The following NUDT16 variants were observed in gnomAD, a reference collection of about 807,000 sequenced individuals.
NUDT16 encodes the protein U8 snoRNA-decapping enzyme.
Under a neutral mutation model 11.7 loss-of-function variants are expected in NUDT16, and 12 were observed. That is an observed-to-expected ratio of 1.03 (90% CI 0.66 to 1.67). The LOEUF (loss-of-function observed/expected upper bound fraction) is 1.67, where lower values mean the gene tolerates loss of function less well. Among genes scored for constraint, NUDT16 ranks in the 40% most tolerant of loss-of-function variants. NUDT16 has a pLI of 0.00. For synonymous variants in NUDT16, 129 were observed against 122.6 expected (o/e 1.05, Z -0.35); for missense variants, 303 against 268.9 (o/e 1.13, Z -0.89).
chr3:131,382,797 T>A, intron 2 of NUDT16: 1 of 1,009,302 alleles, frequency 9.9e-7, no homozygotes, highest in Non-Finnish European at 1.4e-6. Context: ...GCATTGGTGG[T>A]GGGGCGGGGG....
chr3:131,383,243 A>T lies in NUDT16; in HGVS notation c.490A>T (p.Ile164Phe). Residue 164 changes from isoleucine (I) to phenylalanine (F), a missense_variant, in exon 3 of 3, where the codon ATT becomes TTT. By Grantham distance (21) the Ile-to-Phe change is conservative (BLOSUM62 0). Transcript: ENST00000521288. This position sits in a 1 kb window ranked among gnomAD's most constrained non-coding sequence, Gnocchi z 4.4. ...GLPTFLENSF[I>F]GSAREQLLEA... ...GCCTACCTTCCTGGAGAATTCCTTT[A>T]TTGGCTCTGCGCGGGAGCAGTTACT... The T allele has an allele frequency of 6.2e-7, 1 of 1,614,100 alleles. No individual in the cohort carries two copies. Among genetic ancestry groups the T allele is most frequent in the Non-Finnish European group, 8.5e-7 (1 of 1,180,026 alleles).
Position 131,383,793 on chromosome 3 carries a change from C to T in NUDT16, c.*452C>T, listed in dbSNP as rs1393830237. ...GTTGCCCTCCAGGGTCTAGCCCAGCCTATTTGTTAGGGAGGATAGAGAAAC... is the reference window on the plus strand; with the variant it reads ...GTTGCCCTCCAGGGTCTAGCCCAGCTTATTTGTTAGGGAGGATAGAGAAAC... On this transcript the variant is annotated 3_prime_UTR_variant, in exon 3 of 3. Coordinates refer to ENST00000521288, the MANE Select transcript of NUDT16 (RefSeq NM_152395.3). The surrounding 1 kb of genome is among the most constrained non-coding windows in gnomAD (Gnocchi z 4.4). The T allele has an allele frequency of 1.5e-5, 4 of 269,076 alleles. No individual in the cohort carries two copies. Among genetic ancestry groups the T allele is most frequent in the African/African-American group, 6.6e-5 (3 of 45,226 alleles). The allele number at this position is 269,076 out of a possible 1,614,324, so 16.7% of individuals were successfully genotyped here.
In NUDT16 at chr3:131,383,426, T is replaced by G; in HGVS notation, c.*85T>G. On this transcript the variant is annotated 3_prime_UTR_variant, in exon 3 of 3. Coordinates refer to ENST00000521288, the MANE Select transcript of NUDT16 (RefSeq NM_152395.3). The surrounding 1 kb of genome is among the most constrained non-coding windows in gnomAD (Gnocchi z 4.4). ...GGAAGGACGTGGGAATGTTTTCTTA[T>G]TGGATCTGAGAGATGATACATGATA... 1 of 1,575,232 alleles carries G rather than the reference T, an allele frequency of 6.3e-7. No homozygotes were observed. The highest frequency in any genetic ancestry group is 1.3e-5 in the African/African-American group (1 of 74,478).
chr3:131,382,692 T>C, intron 2 of NUDT16: 13 of 1,434,388 alleles, frequency 9.1e-6, no homozygotes, highest in Non-Finnish European at 1.1e-5. Flanking sequence ...GCAGGGCTAG[T>C]AGATAGATTA....
rs2097459697 is a variant in NUDT16, at chr3:131,385,976, G to A, written c.*2635G>A. The A allele has an allele frequency of 6.6e-6, 1 of 152,228 alleles. No homozygotes were observed. The highest frequency in any genetic ancestry group is 2.1e-4 in the South Asian group (1 of 4,834). The allele number at this position is 152,228 out of a possible 1,614,324, so 9.4% of individuals were successfully genotyped here. On this transcript the variant is annotated 3_prime_UTR_variant, in exon 3 of 3. Transcript: ENST00000521288. ...AGGTCAACACTAATACCACTTGGAA[G>A]GTTCCGCTCTGTCTCACTCTGCTTG...
rs948852266 is a variant in NUDT16 at position 131,384,926 on chromosome 3, G to T, written c.*1585G>T. 2.0e-5 allele frequency: 3 copies of T among 152,252 alleles called. No individual in the cohort carries two copies. The highest frequency in any genetic ancestry group is 7.2e-5 in the African/African-American group (3 of 41,444). The allele number at this position is 152,252 out of a possible 1,614,324, so 9.4% of individuals were successfully genotyped here. ...ATGCTGGGCACTCAGGTGTGTGTGT[G>T]TTGAGTGGGGCTCTGCACACACCTG... On this transcript the variant is annotated 3_prime_UTR_variant, in exon 3 of 3. Transcript: ENST00000521288.
At chr3:131,382,023 A>G (rs1382360882) in intron 1 of NUDT16, 23 bp from the exon 2 acceptor site, 7 of 1,576,834 alleles carry the variant, frequency 4.4e-6, no homozygotes, top group Non-Finnish European at 6.0e-6. Flanking sequence ...GCCCCTGCCA[A>G]TCCCCGCTTC....
In NUDT16 at chr3:131,383,432, C is replaced by T; in HGVS notation, c.*91C>T. 1 of 1,567,880 alleles carries T rather than the reference C, an allele frequency of 6.4e-7. No homozygotes were observed. Among genetic ancestry groups the T allele is most frequent in the Non-Finnish European group, 8.6e-7 (1 of 1,159,092 alleles). On this transcript the variant is annotated 3_prime_UTR_variant, in exon 3 of 3. Transcript: ENST00000521288. The surrounding 1 kb of genome is among the most constrained non-coding windows in gnomAD (Gnocchi z 4.4). ...ACGTGGGAATGTTTTCTTATTGGAT[C>T]TGAGAGATGATACATGATACCAGAT...
In NUDT16 at chr3:131,383,539, T is replaced by A; in HGVS notation, c.*198T>A. 1 of 1,288,532 alleles carries A rather than the reference T, an allele frequency of 7.8e-7. No homozygotes were observed. The highest frequency in any genetic ancestry group is 1.5e-5 in the South Asian group (1 of 67,262). 79.8% of individuals were successfully genotyped at this position (1,288,532 alleles called of 1,614,324 possible). A position where few individuals can be genotyped will look rare whatever the true frequency, so the allele number is the denominator to read the frequency against. The stretch of plus-strand genomic sequence containing the variant: ...GCATCAGGGGCAAAAAGTCACAGCT[T>A]ATCCCAGGCACCCTGGCAGGTTCTC... On this transcript the variant is annotated 3_prime_UTR_variant, in exon 3 of 3. Transcript: ENST00000521288. The surrounding 1 kb of genome is among the most constrained non-coding windows in gnomAD (Gnocchi z 4.4).
upstream of NUDT16, chr3:131,381,750 G>A: frequency 3.9e-6 from 6 of 1,522,296 alleles, no homozygotes; most frequent in Non-Finnish European, 4.4e-6. Context: ...TCCGAGGTGA[G>A]ACCCGCCCCT....
chr3:131,381,687 C>T, upstream of NUDT16: 1 of 1,173,078 alleles, frequency 8.5e-7, no homozygotes, highest in Non-Finnish European at 1.2e-6. Flanking sequence ...CTAGGTTCCT[C>T]CCCTTATCCC....
At position 131,383,622 on chromosome 3, in the gene NUDT16, A is replaced by C. The variant is rs1323164394; in HGVS notation, c.*281A>C. 8 of 612,006 alleles carry C rather than the reference A, an allele frequency of 1.3e-5. No individual in the cohort carries two copies. Among genetic ancestry groups the C allele is most frequent in the Non-Finnish European group, 1.7e-5 (6 of 349,618 alleles). The allele number at this position is 612,006 out of a possible 1,614,324, so 37.9% of individuals were successfully genotyped here. ...AGCCTGGTAACCCCCAGGCATGCAA[A>C]TATACAATCTGTAACAACACACAGC... On this transcript the variant is annotated 3_prime_UTR_variant, in exon 3 of 3. Transcript: ENST00000521288. The surrounding 1 kb of genome is among the most constrained non-coding windows in gnomAD (Gnocchi z 4.4).
rs1247647117 is a variant in NUDT16 at position 131,382,288 on chromosome 3, A to C, written c.381A>C (p.Ala127=). 2 of 1,612,922 alleles carry C rather than the reference A, an allele frequency of 1.2e-6. No individual in the cohort carries two copies. Among genetic ancestry groups the C allele is most frequent in the Admixed American group, 3.3e-5 (2 of 60,002 alleles). The part of the protein sequence containing the change: ...LEELLAVEAG[A]TRAKDHGLEV... Reference sequence around the variant, plus strand: ...AGCTGTTGGCTGTGGAGGCCGGCGCAACACGCGCCAAGGACCACGGGCTGG... The same window carrying C: ...AGCTGTTGGCTGTGGAGGCCGGCGCCACACGCGCCAAGGACCACGGGCTGG... Residue 127 remains alanine (A), a synonymous_variant, in exon 2 of 3, where the codon GCA becomes GCC. Transcript: ENST00000521288.
At chr3:131,382,368 CTT>C (rs1221821625) in intron 2 of NUDT16, 53 bp downstream of exon 2, 2 of 1,607,026 alleles carry the variant, frequency 1.2e-6, no homozygotes, top group African/African-American at 2.7e-5. Context: ...TCTCCCAAAG[CTT>C]TCTCTCCCCC....
At position 131,383,644 on chromosome 3, in the gene NUDT16, C is replaced by A; in HGVS notation, c.*303C>A. On this transcript the variant is annotated 3_prime_UTR_variant, in exon 3 of 3. Transcript: ENST00000521288. This position sits in a 1 kb window ranked among gnomAD's most constrained non-coding sequence, Gnocchi z 4.4. ...CAAATATACAATCTGTAACAACACACAGCCTGACACCTTCCCCTGGTCATG... is the reference window on the plus strand; with the variant it reads ...CAAATATACAATCTGTAACAACACAAAGCCTGACACCTTCCCCTGGTCATG... 2 of 587,268 alleles carry A rather than the reference C, an allele frequency of 3.4e-6. 1 individual carries two copies. The highest frequency in any genetic ancestry group is 4.1e-5 in the South Asian group (2 of 48,494). The allele number at this position is 587,268 out of a possible 1,614,324, so 36.4% of individuals were successfully genotyped here.
In NUDT16 at chr3:131,382,129, CCGCGAGCTG is replaced by C; in HGVS notation, c.229_237del (p.Leu77_Glu79del). ...ACAGAAGCCTAGAGGACGGGCTGAA[CCGCGAGCTG>C]CGCGAGGAGCTGGGCGAAGCGGCTG... On this transcript the variant is annotated inframe_deletion, in exon 2 of 3. Coordinates refer to ENST00000521288, the MANE Select transcript of NUDT16 (RefSeq NM_152395.3). The C allele has an allele frequency of 6.2e-7, 1 of 1,611,316 alleles. No individual in the cohort carries two copies. Among genetic ancestry groups the C allele is most frequent in the African/African-American group, 1.3e-5 (1 of 74,916 alleles).
At position 131,383,233 on chromosome 3, in the gene NUDT16, G is replaced by T; in HGVS notation, c.480G>T (p.Glu160Asp). The T allele has an allele frequency of 6.2e-7, 1 of 1,614,142 alleles. No individual in the cohort carries two copies. The highest frequency in any genetic ancestry group is 8.5e-7 in the Non-Finnish European group (1 of 1,180,022). ...DGVGGLPTFL[E>D]NSFIGSAREQ... ...TAGGAGGCCTGCCTACCTTCCTGGA[G>T]AATTCCTTTATTGGCTCTGCGCGGG... The change falls in exon 3 of 3, where the codon GAG (glutamate) becomes GAT (aspartate). Residue 160 changes from glutamate to aspartate, a missense_variant. Physicochemically the swap from Glu to Asp is conservative, Grantham distance 45 (BLOSUM62 2). Coordinates refer to ENST00000521288, the MANE Select transcript of NUDT16 (RefSeq NM_152395.3). This position sits in a 1 kb window ranked among gnomAD's most constrained non-coding sequence, Gnocchi z 4.4.
rs112350260 is a variant in NUDT16 at position 131,383,755 on chromosome 3, A to T, written c.*414A>T. ...TCTGAAGCAAGGGTGAATCCTTCCC[A>T]CACTCCTCCATGGTTGCCCTCCAGG... On this transcript the variant is annotated 3_prime_UTR_variant, in exon 3 of 3. Coordinates refer to ENST00000521288, the MANE Select transcript of NUDT16 (RefSeq NM_152395.3). The surrounding 1 kb of genome is among the most constrained non-coding windows in gnomAD (Gnocchi z 4.4). 5.2e-3 allele frequency: 1,961 copies of T among 380,596 alleles called. 41 individuals are homozygous for T. Among genetic ancestry groups the T allele is most frequent in the African/African-American group, 0.037 (1,786 of 48,736 alleles). The allele number at this position is 380,596 out of a possible 1,614,324, so 23.6% of individuals were successfully genotyped here.
Position 131,382,088 on chromosome 3 carries a change from T to C in NUDT16, c.181T>C (p.Phe61Leu), listed in dbSNP as rs1336336169. Residue 61 changes from phenylalanine (F) to leucine (L), a missense_variant, in exon 2 of 3, where the codon TTC becomes CTC. By Grantham distance (22) the Phe-to-Leu change is conservative. Coordinates refer to ENST00000521288, the MANE Select transcript of NUDT16 (RefSeq NM_152395.3). Reference sequence around the variant, plus strand: ...TGGACGCCTGGGCTTCCCCGGCGGATTCGTGGACACGCAGGACAGAAGCCT... The same window carrying C: ...TGGACGCCTGGGCTTCCCCGGCGGACTCGTGGACACGCAGGACAGAAGCCT... Reference protein sequence around the residue: ...FDGRLGFPGGFVDTQDRSLED... With the variant: ...FDGRLGFPGGLVDTQDRSLED... 2 of 1,588,412 alleles carry C rather than the reference T, an allele frequency of 1.3e-6. No homozygotes were observed. Among genetic ancestry groups the C allele is most frequent in the South Asian group, 1.1e-5 (1 of 88,784 alleles).
Sources: allele counts gnomAD v4.1 joint callset, GRCh38; gene constraint gnomAD v4.1.1; non-coding constraint Gnocchi (gnomAD v3.1); transcripts MANE v1.5; gene names NCBI Gene and HGNC (gene_info 2026-07-23, HGNC 2026-07-21).